The following STAG2 variants were observed in gnomAD, a reference collection of about 807,000 sequenced individuals.
STAG2 encodes the protein STAG2 cohesin complex component.
Under a neutral mutation model 108.1 loss-of-function variants are expected in STAG2, and 14 were observed. The ratio of observed to expected loss-of-function variants is 0.13; its 90% CI spans 0.09 to 0.20. The LOEUF is 0.20. Ranked by LOEUF, STAG2 falls within the 10% of genes least tolerant of loss-of-function variation. The probability of loss-of-function intolerance (pLI) is 1.00; values close to 1 mark genes in which losing one functional copy is unlikely to be tolerated. For missense variants in STAG2, 440 were observed against 940.9 expected (o/e 0.47, Z 6.96); for synonymous variants, 307 against 302.7 (o/e 1.01, Z -0.15).
intron 1 of STAG2, among the ~76,000 whole-genome samples, chrX:123,994,969 AT>A (rs1221256426): frequency 8.9e-6 from 1 of 112,063 alleles, no homozygotes; most frequent in Non-Finnish European, 1.9e-5. Flanking sequence ...GTATAAAAGC[AT>A]TTTTTTCCCT....
chrX:124,032,791 A>G (rs1243181708), intron 5 of STAG2, among the ~76,000 whole-genome samples: 2 of 112,533 alleles, frequency 1.8e-5, no homozygotes, highest in Non-Finnish European at 3.7e-5. Context: ...ACTGTGGAGA[A>G]TAGTATTTCT....
intron 30 of STAG2, among the ~76,000 whole-genome samples, chrX:124,087,769 C>T (rs2059142312): frequency 8.9e-6 from 1 of 112,531 alleles, no homozygotes; most frequent in African/African-American, 3.2e-5. Context: ...ATGTGAGGAA[C>T]GTCAAAGAAT....
chrX:124,099,269 T>C (rs1201605753), intron 34 of STAG2, among the ~76,000 whole-genome samples: 1 of 112,033 alleles, frequency 8.9e-6, no homozygotes, highest in African/African-American at 3.2e-5. Flanking sequence ...CATCCCATAC[T>C]CAATACTAAA....
At chrX:124,077,137 A>G (rs1376145238) in intron 26 of STAG2, among the ~76,000 whole-genome samples, 2 of 111,668 alleles carry the variant, frequency 1.8e-5, no homozygotes, top group African/African-American at 6.5e-5. Flanking sequence ...AAGAAATAAA[A>G]TATGTAATAT....
intron 32 of STAG2, among the ~76,000 whole-genome samples, chrX:124,092,554 C>G (rs1245193218): frequency 9.0e-6 from 1 of 111,623 alleles, no homozygotes; most frequent in Non-Finnish European, 1.9e-5. Flanking sequence ...TAGTTAACTC[C>G]CCCGCCTCCC....
intron 34 of STAG2, among the ~76,000 whole-genome samples, chrX:124,099,335 CAT>C (rs1402656954): frequency 9.0e-6 from 1 of 111,643 alleles, no homozygotes; most frequent in African/African-American, 3.3e-5. Flanking sequence ...TACCGAGATT[CAT>C]AGAGTGTTAT....
chrX:124,002,815 T>A (rs1272874149), intron 1 of STAG2, among the ~76,000 whole-genome samples: 2 of 105,258 alleles, frequency 1.9e-5, no homozygotes, highest in Admixed American at 2.1e-4. Flanking sequence ...TTTCTTTCTT[T>A]TTTTTTTTTT....
intron 1 of STAG2, among the ~76,000 whole-genome samples, chrX:123,995,688 T>A (rs1489427763): frequency 9.1e-6 from 1 of 109,617 alleles, no homozygotes; most frequent in East Asian, 2.8e-4. Context: ...AGCAAGACTC[T>A]GTTTCAGAAA....
At chrX:124,060,015 T>G (rs760867327) in intron 15 of STAG2, among the ~76,000 whole-genome samples, 1 of 112,049 alleles carries the variant, frequency 8.9e-6, no homozygotes, top group East Asian at 2.8e-4. Flanking sequence ...GATTTAGATT[T>G]AGATTTTTTA....
chrX:123,980,571 G>C (rs1346245153), intron 1 of STAG2, among the ~76,000 whole-genome samples: 3 of 111,668 alleles, frequency 2.7e-5, no homozygotes, highest in Non-Finnish European at 5.6e-5. Flanking sequence ...TCCTTATGTA[G>C]ATTGTTTCCT....
rs1442862459 is a variant in STAG2, at chrX:124,042,513, TTTTC to T, written c.386-52_386-49del. On this transcript the variant is annotated intron_variant, in intron 6 of 34. Transcript: ENST00000371145. ...TTAGTGTTAGAGACTTACTTGGAAG[TTTTC>T]TTTATTTTTTTATCACACCATATAT... 4.5e-5 allele frequency: 40 copies of T among 889,215 alleles called. No individual in the cohort carries two copies. In the African/African-American group the frequency reaches 6.1e-4, roughly 14 times the overall value. The allele number at this position is 889,215 out of a possible 1,213,427, so 73.3% of individuals were successfully genotyped here.
At chrX:124,026,738 A>G (rs1342572189) in intron 4 of STAG2, 4 of 137,709 alleles carry the variant, frequency 2.9e-5, no homozygotes, top group African/African-American at 1.3e-4. Flanking sequence ...TCATACACCT[A>G]TGTATAAACA....
rs2148465582 is a variant in STAG2 at position 124,086,622 on chromosome X, T to C, written c.3129T>C (p.Ser1043=). 2 of 1,211,723 alleles carry C rather than the reference T, an allele frequency of 1.7e-6. No homozygotes were observed. The highest frequency in any genetic ancestry group is 2.2e-6 in the Non-Finnish European group (2 of 895,266). Residue 1043 remains serine (S), a synonymous_variant, in exon 30 of 35, where the codon TCT becomes TCC. Coordinates refer to ENST00000371145, the MANE Select transcript of STAG2 (RefSeq NM_001042750.2). ...RREDVWLPLM[S]YRNSLLAGGD... ...AGGATGTGTGGCTTCCACTGATGTC[T>C]TACCGAAATTCTTTGCTAGCTGGTG...
chrX:124,091,856 A>C (rs2059258482), intron 32 of STAG2, among the ~76,000 whole-genome samples: 1 of 112,495 alleles, frequency 8.9e-6, no homozygotes, highest in African/African-American at 3.2e-5. Flanking sequence ...TTATCTTTTA[A>C]ATACTTTGTT....
chrX:124,074,866 A>G (rs1032561089), intron 25 of STAG2, among the ~76,000 whole-genome samples: 2 of 112,208 alleles, frequency 1.8e-5, no homozygotes, highest in Non-Finnish European at 3.8e-5. Context: ...TTTAGAGGGA[A>G]AATGTCTGTA....
chrX:124,102,238 T>C lies in STAG2; in HGVS notation c.*1641T>C, dbSNP rs745376594. On this transcript the variant is annotated 3_prime_UTR_variant, in exon 35 of 35. Transcript: ENST00000371145. The stretch of plus-strand genomic sequence containing the variant: ...GTGCAAAAGTATTGCCTATGTTGTT[T>C]TACACACCACTGCATTAACTAGAAC... 12 of 159,057 alleles carry C rather than the reference T, an allele frequency of 7.5e-5. No individual in the cohort carries two copies. The highest frequency in any genetic ancestry group is 1.5e-4 in the Non-Finnish European group (12 of 81,559). 13.1% of individuals were successfully genotyped at this position (159,057 alleles called of 1,213,427 possible).
At chrX:124,099,616 A>G (rs1236415147) in intron 34 of STAG2, among the ~76,000 whole-genome samples, 1 of 111,679 alleles carries the variant, frequency 9.0e-6, no homozygotes, top group East Asian at 2.8e-4. Context: ...TGGATCTGCA[A>G]ATACACAGTT....
intron 8 of STAG2, among the ~76,000 whole-genome samples, chrX:124,046,226 A>G (rs1201490345): frequency 1.8e-5 from 2 of 112,275 alleles, no homozygotes; most frequent in Non-Finnish European, 3.8e-5. Flanking sequence ...TTTTTTATTT[A>G]TAAGATTTTC....
intron 1 of STAG2, among the ~76,000 whole-genome samples, chrX:123,985,778 A>G (rs974257229): frequency 1.9e-5 from 2 of 106,898 alleles, no homozygotes; most frequent in African/African-American, 3.4e-5. Context: ...AGGTCTTGCT[A>G]TGTTGCCTAG....
Sources: gnomAD v4.1 joint callset for allele counts (sites outside exome capture counted in the v4.1 genomes callset) on GRCh38, gnomAD v4.1.1 for gene constraint, MANE v1.5 for transcripts, NCBI Gene and HGNC (gene_info 2026-07-23, HGNC 2026-07-21) for gene names.